The following MGAT4D variants were observed in gnomAD, a reference collection of about 807,000 sequenced individuals.
MGAT4D encodes MGAT4 family member D.
Under a neutral mutation model 15.9 loss-of-function variants are expected in MGAT4D, and 34 were observed. The observed-to-expected ratio is 2.14, with a 90% CI of 1.62 to 2.84. The LOEUF is 2.84. Among genes scored for constraint, MGAT4D ranks in the 30% most tolerant of loss-of-function variants. The pLI, the probability that MGAT4D is intolerant of heterozygous loss-of-function variation, is 0.00. For synonymous variants in MGAT4D, 112 were observed against 48.2 expected, an observed-to-expected ratio of 2.33 and a Z score of -5.49; for missense variants, 327 against 140.2, an observed-to-expected ratio of 2.33 and a Z score of -6.73.
At chr4:140,456,904 A>T in intron 8 of MGAT4D, 185 bp from the exon 9 acceptor site, 1 of 345,704 alleles carries the variant, frequency 2.9e-6, no homozygotes, top group Non-Finnish European at 5.2e-6. Flanking sequence ...ATTAAGGATT[A>T]CCACATCTGA....
chr4:140,479,820 T>C (rs1390035488), intron 2 of MGAT4D, among the ~76,000 whole-genome samples, 193 bp from the exon 3 acceptor site: 1 of 152,088 alleles, frequency 6.6e-6, no homozygotes, highest in African/African-American at 2.4e-5. Context: ...TTCATATTTA[T>C]TTATAAAGTA....
chr4:140,471,774 C>A lies in MGAT4D; in HGVS notation c.572+1G>T. 1 of 483,022 alleles carries A rather than the reference C, an allele frequency of 2.1e-6. No individual in the cohort carries two copies. Among genetic ancestry groups the A allele is most frequent in the Non-Finnish European group, 3.7e-6 (1 of 266,860 alleles). 29.9% of individuals were successfully genotyped at this position (483,022 alleles called of 1,614,324 possible). The stretch of plus-strand genomic sequence containing the variant: ...GTAAAAATATATCAGACAGTACTTA[C>A]TTTTTTGTAATCATTTTAACAACAG... On this transcript the variant is annotated splice_donor_variant, in intron 5 of 10. Coordinates refer to ENST00000511113, the MANE Select transcript of MGAT4D (RefSeq NM_001277353.2). LOFTEE classifies it high-confidence loss of function.
chr4:140,456,442 A>G (rs745990364), intron 9 of MGAT4D, 147 bp downstream of exon 9: 4 of 402,862 alleles, frequency 9.9e-6, no homozygotes, highest in Non-Finnish European at 1.8e-5. Context: ...TTCATTTAAT[A>G]GGTAGAAAGA....
intron 1 of MGAT4D, among the ~76,000 whole-genome samples, chr4:140,483,493 T>A (rs945613997): frequency 6.6e-6 from 1 of 152,078 alleles, no homozygotes; most frequent in Non-Finnish European, 1.5e-5. Context: ...AATTACGTTT[T>A]TCACAGAAAC....
At chr4:140,444,427 C>T (rs1014037582) in intron 10 of MGAT4D, among the ~76,000 whole-genome samples, 36 of 152,080 alleles carry the variant, frequency 2.4e-4, no homozygotes, top group African/African-American at 8.4e-4. Flanking sequence ...TGTGTCCATG[C>T]GTTCTCATCA....
At chr4:140,477,242 G>A (rs2126804799) in intron 3 of MGAT4D, among the ~76,000 whole-genome samples, 1 of 152,216 alleles carries the variant, frequency 6.6e-6, no homozygotes, top group East Asian at 1.9e-4. Flanking sequence ...TCACTTATAT[G>A]ACACTTCTTC....
chr4:140,496,855 A>G (rs1277452002), intron 1 of MGAT4D, among the ~76,000 whole-genome samples: 1 of 152,126 alleles, frequency 6.6e-6, no homozygotes, highest in African/African-American at 2.4e-5. Context: ...AAATTACTAT[A>G]AAACTTTACA....
chr4:140,491,738 G>A (rs906024850), intron 1 of MGAT4D, among the ~76,000 whole-genome samples: 2 of 151,912 alleles, frequency 1.3e-5, no homozygotes, highest in Non-Finnish European at 2.9e-5. Flanking sequence ...ACCACAGCAG[G>A]CCCTCAGAAG....
At chr4:140,454,261 A>G (rs1041200856) in intron 9 of MGAT4D, among the ~76,000 whole-genome samples, 15 of 152,166 alleles carry the variant, frequency 9.9e-5, no homozygotes, top group Admixed American at 5.9e-4. Flanking sequence ...GATGCTCTTT[A>G]ACATGTCAGA....
rs146873895 is a variant in MGAT4D, at chr4:140,446,472, G to A, written c.1117-3028C>T. On this transcript the variant is annotated intron_variant, in intron 10 of 10. Transcript: ENST00000511113. Reference sequence around the variant, plus strand: ...TGTGTGCATAGAGGTGTTCATAACAGTCTCTTATGGTTATTTGTATTTCTG... The same window carrying A: ...TGTGTGCATAGAGGTGTTCATAACAATCTCTTATGGTTATTTGTATTTCTG... Among the ~76,000 whole-genome samples, 1,004 of 152,182 alleles carry A rather than the reference G, an allele frequency of 6.6e-3. 11 individuals are homozygous for A. Among genetic ancestry groups the A allele is most frequent in the African/African-American group, 0.022 (918 of 41,558 alleles).
chr4:140,459,539 TA>T lies in MGAT4D; in HGVS notation c.849del (p.Phe283LeufsTer10). The T allele has an allele frequency of 2.0e-6, 1 of 509,140 alleles. No individual in the cohort carries two copies. The highest frequency in any genetic ancestry group is 3.5e-6 in the Non-Finnish European group (1 of 287,928). 31.5% of individuals were successfully genotyped at this position (509,140 alleles called of 1,614,324 possible). ...ATGAATCCAAGCATTGAAAACTCAA[TA>T]AAAAACCAATTATTTGAACTGATAT... ...VGNISSNNWF[F>X]IEFSMLGFIG... On this transcript the variant is annotated frameshift_variant, in exon 8 of 11. Coordinates refer to ENST00000511113, the MANE Select transcript of MGAT4D (RefSeq NM_001277353.2). LOFTEE classifies it high-confidence loss of function.
chr4:140,477,681 A>G (rs1045831901), intron 3 of MGAT4D, among the ~76,000 whole-genome samples: 4 of 152,246 alleles, frequency 2.6e-5, no homozygotes, highest in Non-Finnish European at 5.9e-5. Context: ...TTTGAAAGAT[A>G]CAGCCTTTTC....
intron 5 of MGAT4D, among the ~76,000 whole-genome samples, chr4:140,468,225 T>C (rs781013493): frequency 2.6e-5 from 4 of 152,130 alleles, no homozygotes; most frequent in East Asian, 1.9e-4. Flanking sequence ...AATATAATTA[T>C]CACCACTAGA....
intron 10 of MGAT4D, among the ~76,000 whole-genome samples, chr4:140,450,307 T>C (rs1287586259): frequency 6.6e-6 from 1 of 152,186 alleles, no homozygotes; most frequent in Non-Finnish European, 1.5e-5. Context: ...GAGGTTAAAA[T>C]ATCATATCTG....
At chr4:140,491,063 C>T (rs556647475) in intron 1 of MGAT4D, among the ~76,000 whole-genome samples, 6 of 152,272 alleles carry the variant, frequency 3.9e-5, no homozygotes, top group African/African-American at 1.2e-4. Context: ...CAATTTAACT[C>T]CATTTCCCTC....
rs1239810545 is a variant in MGAT4D at position 140,443,360 on chromosome 4, C to T, written c.*76G>A. 6.5e-6 allele frequency: 3 copies of T among 458,798 alleles called. No individual in the cohort carries two copies. The highest frequency in any genetic ancestry group is 3.1e-5 in the South Asian group (1 of 32,636). 28.4% of individuals were successfully genotyped at this position (458,798 alleles called of 1,614,324 possible). A position where few individuals can be genotyped will look rare whatever the true frequency, so the allele number is the denominator to read the frequency against. On this transcript the variant is annotated 3_prime_UTR_variant, in exon 11 of 11. Coordinates refer to ENST00000511113, the MANE Select transcript of MGAT4D (RefSeq NM_001277353.2). ...AGATAATTATGTATTTTCATTACTA[C>T]AATTTCTGAAACATGCCATTAGATA...
rs1330579418 is a variant in MGAT4D at position 140,461,917 on chromosome 4, AC to A, written c.762+11del. On this transcript the variant is annotated intron_variant, in intron 7 of 10. Coordinates refer to ENST00000511113, the MANE Select transcript of MGAT4D (RefSeq NM_001277353.2). The stretch of plus-strand genomic sequence containing the variant: ...CACACACACACACACACACACACAC[AC>A]AATTTCTGACCTGTAAATAATACTT... 2.6e-5 allele frequency: 18 copies of A among 694,356 alleles called. No individual in the cohort carries two copies. The highest frequency in any genetic ancestry group is 3.1e-5 in the Non-Finnish European group (12 of 381,166). 43.0% of individuals were successfully genotyped at this position (694,356 alleles called of 1,614,324 possible).
At position 140,467,088 on chromosome 4, in the gene MGAT4D, T is replaced by A. The variant is rs572998211; in HGVS notation, c.573-2079A>T. ...ATTCTTCCCAGGCTCTGTACATTAG[T>A]GGAAAAGTTTTTGGTCATTTATTTT... On this transcript the variant is annotated intron_variant, in intron 5 of 10. Coordinates refer to ENST00000511113, the MANE Select transcript of MGAT4D (RefSeq NM_001277353.2). Among the ~76,000 whole-genome samples, 13 of 152,206 alleles carry A rather than the reference T, an allele frequency of 8.5e-5. No individual in the cohort carries two copies. In the East Asian group the frequency reaches 2.5e-3, roughly 29 times the overall value.
At chr4:140,466,813 A>G (rs1731564508) in intron 5 of MGAT4D, among the ~76,000 whole-genome samples, 1 of 152,154 alleles carries the variant, frequency 6.6e-6, no homozygotes, top group Non-Finnish European at 1.5e-5. Context: ...AAACACACAC[A>G]AACACACATG....
Sources: gnomAD v4.1 joint callset for allele counts (sites outside exome capture counted in the v4.1 genomes callset) on GRCh38, gnomAD v4.1.1 for gene constraint, MANE v1.5 for transcripts, NCBI Gene and HGNC (gene_info 2026-07-23, HGNC 2026-07-21) for gene names.